ALG6: variants seen among roughly 807,000 people sequenced by gnomAD.
ALG6 encodes dolichyl pyrophosphate Man9GlcNAc2 alpha-1,3-glucosyltransferase.
Under a neutral mutation model 66.6 loss-of-function variants are expected in ALG6, and 46 were observed. That is an observed-to-expected ratio of 0.69 (90% CI 0.55 to 0.88). The LOEUF is 0.88. Ranked by LOEUF, ALG6 falls within the 40% of genes least tolerant of loss-of-function variation. ALG6 has a pLI of 0.00. For synonymous variants in ALG6, 185 were observed against 203.7 expected, an observed-to-expected ratio of 0.91 and a Z score of 0.78; for missense variants, 505 against 586.8, an observed-to-expected ratio of 0.86 and a Z score of 1.44.
At chr1:63,372,992 A>G (rs561046490) in intron 2 of ALG6, among the ~76,000 whole-genome samples, 1 of 151,180 alleles carries the variant, frequency 6.6e-6, no homozygotes, top group South Asian at 2.1e-4. Flanking sequence ...ACACACACAC[A>G]TACATATATG....
chr1:63,423,404 T>G (rs1644598616), intron 12 of ALG6, among the ~76,000 whole-genome samples: 1 of 152,190 alleles, frequency 6.6e-6, no homozygotes, highest in East Asian at 1.9e-4. Flanking sequence ...AATGTTACAT[T>G]GTCAATTAGT....
At chr1:63,420,249 A>G (rs866840461) in intron 12 of ALG6, among the ~76,000 whole-genome samples, 1 of 152,158 alleles carries the variant, frequency 6.6e-6, no homozygotes, top group Admixed American at 6.5e-5. Context: ...GACTGGGAAG[A>G]CTGCTTAATG....
At chr1:63,386,304 GTGT>G (rs931232307) in intron 2 of ALG6, among the ~76,000 whole-genome samples, 1 of 151,918 alleles carries the variant, frequency 6.6e-6, no homozygotes, top group Non-Finnish European at 1.5e-5. Context: ...TCTTTCTCTG[GTGT>G]TGTTATTAGG....
chr1:63,382,642 TTTTTTTTTGTTTG>T (rs753424337), intron 2 of ALG6, among the ~76,000 whole-genome samples: 48,652 of 126,062 alleles, frequency 0.39, 8,802 homozygotes, highest in East Asian at 0.5. Flanking sequence ...CCTGGCTAAG[TTTTTTTTTGTTTG>T]TTTTTTTTTG....
At chr1:63,392,997 C>A (rs1438642127) in intron 2 of ALG6, among the ~76,000 whole-genome samples, 1 of 152,132 alleles carries the variant, frequency 6.6e-6, no homozygotes, top group Non-Finnish European at 1.5e-5. Flanking sequence ...TAAATTCTTC[C>A]ACATTGACCA....
At position 63,433,082 on chromosome 1, in the gene ALG6, A is replaced by G. The variant is rs2100444584; in HGVS notation, c.1327-3741A>G. ...CTCAGCCTCCTGAGTAGCTGGGACT[A>G]CAGGCACGTGCCACCACACCCTGCC... On this transcript the variant is annotated intron_variant, in intron 14 of 14. Coordinates refer to ENST00000263440, the MANE Select transcript of ALG6 (RefSeq NM_013339.4). The surrounding 1 kb of genome is among the most constrained non-coding windows in gnomAD (Gnocchi z 4.2). 6.6e-6 allele frequency among the ~76,000 whole-genome samples: 1 copy of G among 152,310 alleles called. No individual in the cohort carries two copies. The highest frequency in any genetic ancestry group is 2.1e-4 in the South Asian group (1 of 4,824).
At chr1:63,400,763 T>C (rs1644461341) in intron 3 of ALG6, among the ~76,000 whole-genome samples, 1 of 152,228 alleles carries the variant, frequency 6.6e-6, no homozygotes, top group Non-Finnish European at 1.5e-5. Flanking sequence ...GTATCCATCT[T>C]AGTTGTTTTG....
intron 2 of ALG6, among the ~76,000 whole-genome samples, chr1:63,383,975 G>C (rs1648421247): frequency 6.6e-6 from 1 of 152,164 alleles, no homozygotes; most frequent in South Asian, 2.1e-4. Context: ...TCCAGTTCCA[G>C]CTATGTTGTT....
chr1:63,408,311 A>T (rs1375267599), intron 7 of ALG6, among the ~76,000 whole-genome samples: 1 of 152,116 alleles, frequency 6.6e-6, no homozygotes, highest in Non-Finnish European at 1.5e-5. Flanking sequence ...TGTTTATGAG[A>T]TGTATTCATG....
At chr1:63,402,410 G>T in intron 4 of ALG6, 67 bp downstream of exon 4, 1 of 921,050 alleles carries the variant, frequency 1.1e-6, no homozygotes, top group Non-Finnish European at 1.8e-6. Flanking sequence ...AAGAAGCAGT[G>T]TGATGGGGCT....
chr1:63,381,594 G>A (rs1648309735), intron 2 of ALG6, among the ~76,000 whole-genome samples: 1 of 150,904 alleles, frequency 6.6e-6, no homozygotes, highest in African/African-American at 2.4e-5. Context: ...GCAGTGAGCC[G>A]TGATCACACC....
chr1:63,400,206 AATATATATATATATACGTATAT>A (rs1644440781), intron 3 of ALG6, among the ~76,000 whole-genome samples: 3 of 36,428 alleles, frequency 8.2e-5, no homozygotes, highest in Non-Finnish European at 1.2e-4. Context: ...AAAAAAAAAA[AATATATATATATATACGTATAT>A]ATATATATAT....
intron 14 of ALG6, among the ~76,000 whole-genome samples, chr1:63,434,288 G>A (rs929839858): frequency 4.1e-4 from 62 of 152,136 alleles, no homozygotes; most frequent in African/African-American, 1.5e-3. Context: ...GGAATTGCTG[G>A]GGTTGTGAAA....
Position 63,411,459 on chromosome 1 carries a change from G to T in ALG6, c.680+128G>T, listed in dbSNP as rs12125868. 0.35 allele frequency: 299,162 copies of T among 843,334 alleles called. 54,959 individuals are homozygous for T. The highest frequency in any genetic ancestry group is 0.47 in the South Asian group (26,473 of 56,322). The allele number at this position is 843,334 out of a possible 1,614,324, so 52.2% of individuals were successfully genotyped here. Reference sequence around the variant, plus strand: ...TTCTTATAAATATTTTGGCTGTAGGGTATGTGGGAAGAGAGAGATTAAGTC... The same window carrying T: ...TTCTTATAAATATTTTGGCTGTAGGTTATGTGGGAAGAGAGAGATTAAGTC... On this transcript the variant is annotated intron_variant, in intron 8 of 14. Coordinates refer to ENST00000263440, the MANE Select transcript of ALG6 (RefSeq NM_013339.4).
chr1:63,380,109 G>A (rs1648256652), intron 2 of ALG6, among the ~76,000 whole-genome samples: 1 of 152,180 alleles, frequency 6.6e-6, no homozygotes, highest in Non-Finnish European at 1.5e-5. Context: ...AAGAAACTGT[G>A]TAGTAGGCTT....
At chr1:63,397,834 C>T (rs989339496) in intron 3 of ALG6, among the ~76,000 whole-genome samples, 17 of 152,188 alleles carry the variant, frequency 1.1e-4, no homozygotes, top group Non-Finnish European at 2.1e-4. Context: ...TTCTCAACCA[C>T]AGTTTTATTA....
intron 3 of ALG6, among the ~76,000 whole-genome samples, chr1:63,397,264 C>A (rs1357141806): frequency 3.9e-5 from 6 of 152,004 alleles, no homozygotes; most frequent in Admixed American, 1.3e-4. Flanking sequence ...CAGCTCACTG[C>A]AACCTCTGCT....
At chr1:63,416,680 T>C (rs1644547507) in intron 11 of ALG6, among the ~76,000 whole-genome samples, 1 of 152,066 alleles carries the variant, frequency 6.6e-6, no homozygotes, top group Non-Finnish European at 1.5e-5. Context: ...CAGATCTCTG[T>C]TTTAGGAGGA....
rs916793770 is a variant in ALG6 at position 63,433,437 on chromosome 1, G to A, written c.1327-3386G>A. Among the ~76,000 whole-genome samples, 17 of 152,160 alleles carry A rather than the reference G, an allele frequency of 1.1e-4. No individual in the cohort carries two copies. Among genetic ancestry groups the A allele is most frequent in the Non-Finnish European group, 2.1e-4 (14 of 68,032 alleles). ...GCAGAGTTGAATGGGTGTCCTGAGGGTTTTGCACTTTAGGTAATGACCATG... is the reference window on the plus strand; with the variant it reads ...GCAGAGTTGAATGGGTGTCCTGAGGATTTTGCACTTTAGGTAATGACCATG... On this transcript the variant is annotated intron_variant, in intron 14 of 14. Transcript: ENST00000263440. The surrounding 1 kb of genome is among the most constrained non-coding windows in gnomAD (Gnocchi z 4.2).
Sources: gnomAD v4.1 joint callset for allele counts (sites outside exome capture counted in the v4.1 genomes callset) on GRCh38, gnomAD v4.1.1 for gene constraint, Gnocchi (gnomAD v3.1) non-coding constraint, MANE v1.5 for transcripts, NCBI Gene and HGNC (gene_info 2026-07-23, HGNC 2026-07-21) for gene names.